PTDSS2: variants seen among roughly 807,000 people sequenced by gnomAD.
The protein encoded by PTDSS2 is PSS-2.
PTDSS2 carries 41 observed loss-of-function variants against 64.7 expected under a neutral mutation model. The observed-to-expected ratio is 0.63, with a 90% CI of 0.49 to 0.82. The LOEUF (loss-of-function observed/expected upper bound fraction) is 0.82. PTDSS2 is among the 40% of genes least tolerant of loss of function. The pLI, the probability that PTDSS2 is intolerant of heterozygous loss-of-function variation, is 0.00. For missense variants in PTDSS2, 485 were observed against 650.0 expected (o/e 0.75, Z 2.76); for synonymous variants, 297 against 277.8 (o/e 1.07, Z -0.69).
chr11:488,705 A>G, intron 8 of PTDSS2, 58 bp downstream of exon 8: 1 of 1,283,946 alleles, frequency 7.8e-7, no homozygotes, highest in Non-Finnish European at 1.1e-6. Flanking sequence ...AGGCAGCCTC[A>G]GCGTCCGTGC....
rs748502222 is a variant in PTDSS2, at chr11:479,035, C to T, written c.368-50C>T. The T allele has an allele frequency of 4.6e-6, 7 of 1,516,780 alleles. No homozygotes were observed. The highest frequency in any genetic ancestry group is 1.8e-4 in the Middle Eastern group (1 of 5,682). 94.0% of individuals were successfully genotyped at this position (1,516,780 alleles called of 1,614,324 possible). A position where few individuals can be genotyped will look rare whatever the true frequency, so the allele number is the denominator to read the frequency against. ...GAGCCGGCCTGGGGCTGAGCGGGGC[C>T]GTGGAGGCCTGGACCGGGCGCACTA... On this transcript the variant is annotated intron_variant, in intron 3 of 11. Transcript: ENST00000308020. The surrounding 1 kb of genome is among the most constrained non-coding windows in gnomAD (Gnocchi z 4.2).
chr11:449,054 TTC>T (rs2133739024), upstream of PTDSS2, among the ~76,000 whole-genome samples: 1 of 149,050 alleles, frequency 6.7e-6, no homozygotes, highest in South Asian at 2.1e-4. Flanking sequence ...TGTGACTGGC[TTC>T]TTTCACCTAG....
At chr11:489,211 G>A (rs917441581) in intron 8 of PTDSS2, 189 bp from the exon 9 acceptor site, 2 of 607,538 alleles carry the variant, frequency 3.3e-6, no homozygotes, top group African/African-American at 1.8e-5. Context: ...AGAACAGCCG[G>A]GCAGCAGCTG....
At position 490,477 on chromosome 11, in the gene PTDSS2, C is replaced by G. The variant is rs902880104; in HGVS notation, c.1359C>G (p.Asp453Glu). 1.2e-6 allele frequency: 2 copies of G among 1,613,068 alleles called. No homozygotes were observed. Among genetic ancestry groups the G allele is most frequent in the Non-Finnish European group, 1.7e-6 (2 of 1,179,942 alleles). ...TRWQKWQNKD[D>E]QGSTVGNGDQ... is the part of the protein sequence containing the mutation. ...GGCAGAAGTGGCAGAACAAGGATGACCAGGGCAGCACCGTCGGCAACGGGG... is the reference window on the plus strand; with the variant it reads ...GGCAGAAGTGGCAGAACAAGGATGAGCAGGGCAGCACCGTCGGCAACGGGG... Residue 453 changes from aspartate to glutamate, a missense_variant, in exon 12 of 12, where the codon GAC becomes GAG. Physicochemically the swap from Asp to Glu is conservative, Grantham distance 45 (BLOSUM62 2). Around this residue, in one of 3 missense-constraint regions of PTDSS2, gnomAD observed 219 missense variants for 257.3 expected, o/e 0.85. Coordinates refer to ENST00000308020, the MANE Select transcript of PTDSS2 (RefSeq NM_030783.3).
chr11:450,684 G>C, intron 1 of PTDSS2, 47 bp downstream of exon 1: 1 of 1,235,786 alleles, frequency 8.1e-7, no homozygotes, highest in Non-Finnish European at 1.0e-6. Flanking sequence ...CCCTCGACCT[G>C]GGGGTTCCGG....
intron 3 of PTDSS2, among the ~76,000 whole-genome samples, chr11:478,816 G>A (rs1235670986): frequency 6.6e-6 from 1 of 152,222 alleles, no homozygotes; most frequent in Non-Finnish European, 1.5e-5. Context: ...ACACAAGGCA[G>A]GGATGTGTGC....
chr11:455,786 C>G (rs1215039049), intron 1 of PTDSS2, among the ~76,000 whole-genome samples: 1 of 152,242 alleles, frequency 6.6e-6, no homozygotes, highest in East Asian at 1.9e-4. Context: ...CCTAACCACT[C>G]CCATCCCTCT....
chr11:483,707 C>T (rs1181540901), intron 4 of PTDSS2, among the ~76,000 whole-genome samples: 7 of 152,176 alleles, frequency 4.6e-5, no homozygotes, highest in South Asian at 2.1e-4. Flanking sequence ...GCTGGACTTG[C>T]TTTCCTAGCA....
At chr11:486,297 G>A (rs1032932755) in intron 4 of PTDSS2, among the ~76,000 whole-genome samples, 3 of 152,174 alleles carry the variant, frequency 2.0e-5, no homozygotes, top group African/African-American at 7.2e-5. Context: ...GCGGGGAGGG[G>A]TCGGGGTGGG....
chr11:481,539 A>G (rs1366214370), intron 4 of PTDSS2, among the ~76,000 whole-genome samples: 2 of 152,206 alleles, frequency 1.3e-5, no homozygotes, highest in Non-Finnish European at 2.9e-5. Flanking sequence ...AATGTGTTAC[A>G]GTTTTCAGAG....
intron 1 of PTDSS2, among the ~76,000 whole-genome samples, chr11:450,903 C>T (rs1846291076): frequency 6.6e-6 from 1 of 151,998 alleles, no homozygotes. Context: ...GCGTCTCTCT[C>T]GCCGCCCTCC....
chr11:459,109 G>C (rs551456449), intron 1 of PTDSS2: 1 of 112,464 alleles, frequency 8.9e-6, no homozygotes, highest in African/African-American at 3.5e-5. Context: ...CACTCCGGTG[G>C]ATGTCGGACC....
intron 1 of PTDSS2, among the ~76,000 whole-genome samples, chr11:452,035 C>A (rs547426137): frequency 6.6e-6 from 1 of 152,236 alleles, no homozygotes; most frequent in East Asian, 1.9e-4. Flanking sequence ...CCTCCCGCAG[C>A]ACAGCTGGGG....
chr11:477,746 G>A (rs76465235), intron 3 of PTDSS2, among the ~76,000 whole-genome samples: 1,665 of 152,340 alleles, frequency 0.011, 27 homozygotes, highest in African/African-American at 0.038. Context: ...CTCCGAAGGC[G>A]TCCCCTTCAG....
intron 11 of PTDSS2, 133 bp from the exon 12 acceptor site, chr11:490,287 G>A (rs957562546): frequency 2.3e-5 from 30 of 1,332,710 alleles, no homozygotes; most frequent in Non-Finnish European, 2.7e-5. Context: ...CACGGCTGCC[G>A]TCCCAGGGCC....
chr11:462,035 G>A lies in PTDSS2; in HGVS notation c.284+1747G>A, dbSNP rs757368037. Among the ~76,000 whole-genome samples, 4 of 152,288 alleles carry A rather than the reference G, an allele frequency of 2.6e-5. No homozygotes were observed. Among genetic ancestry groups the A allele is most frequent in the Non-Finnish European group, 4.4e-5 (3 of 68,002 alleles). Reference sequence around the variant, plus strand: ...GGTAGGTGGATTAGGAAGCAGGACCGGGTCTCACCTCAAGTGTCCCACATG... The same window carrying A: ...GGTAGGTGGATTAGGAAGCAGGACCAGGTCTCACCTCAAGTGTCCCACATG... On this transcript the variant is annotated intron_variant, in intron 2 of 11. Transcript: ENST00000308020. This position sits in a 1 kb window ranked among gnomAD's most constrained non-coding sequence, Gnocchi z 4.5.
rs998313299 is a variant in PTDSS2 at position 461,938 on chromosome 11, G to A, written c.284+1650G>A. Among the ~76,000 whole-genome samples the A allele has an allele frequency of 6.6e-6, 1 of 152,164 alleles. No homozygotes were observed. Among genetic ancestry groups the A allele is most frequent in the African/African-American group, 2.4e-5 (1 of 41,424 alleles). Reference sequence around the variant, plus strand: ...GTGCCTAGAGGGAGCTTTCAAGGAGGACTTGGTCTTTCTTGAATTCATCCA... The same window carrying A: ...GTGCCTAGAGGGAGCTTTCAAGGAGAACTTGGTCTTTCTTGAATTCATCCA... On this transcript the variant is annotated intron_variant, in intron 2 of 11. Transcript: ENST00000308020. This position sits in a 1 kb window ranked among gnomAD's most constrained non-coding sequence, Gnocchi z 4.2.
At position 490,832 on chromosome 11, in the gene PTDSS2, C is replaced by CGTG; in HGVS notation, c.*250_*251insGTG. 2.3e-6 allele frequency: 1 copy of CGTG among 436,466 alleles called. No homozygotes were observed. Among genetic ancestry groups the CGTG allele is most frequent in the Non-Finnish European group, 4.2e-6 (1 of 236,564 alleles). 27.0% of individuals were successfully genotyped at this position (436,466 alleles called of 1,614,324 possible). ...TACGCGCGTGTGTACACATGCGTGG[C>CGTG]CGCCTGTGGTGTGCACGTGTGCTCT... On this transcript the variant is annotated 3_prime_UTR_variant, in exon 12 of 12. Coordinates refer to ENST00000308020, the MANE Select transcript of PTDSS2 (RefSeq NM_030783.3).
Position 479,071 on chromosome 11 carries a change from G to A in PTDSS2, c.368-14G>A, listed in dbSNP as rs756272528. 51 of 1,613,494 alleles carry A rather than the reference G, an allele frequency of 3.2e-5. No homozygotes were observed. The highest frequency in any genetic ancestry group is 5.0e-5 in the Admixed American group (3 of 60,008). On this transcript the variant is annotated splice_polypyrimidine_tract_variant and intron_variant, in intron 3 of 11. Coordinates refer to ENST00000308020, the MANE Select transcript of PTDSS2 (RefSeq NM_030783.3). The surrounding 1 kb of genome is among the most constrained non-coding windows in gnomAD (Gnocchi z 4.2). ...GGACCGGGCGCACTAACGTTCTGTC[G>A]TCTGTCTTTGTAGCTTACTGGAGGT...
Sources: gnomAD v4.1 joint callset for allele counts (sites outside exome capture counted in the v4.1 genomes callset) on GRCh38, gnomAD v4.1.1 for gene constraint, gnomAD v4.1.1 regional missense constraint, Gnocchi (gnomAD v3.1) non-coding constraint, MANE v1.5 for transcripts, NCBI Gene and HGNC (gene_info 2026-07-23, HGNC 2026-07-21) for gene names.